Variants in DMD observed in about 807,000 individuals in gnomAD.
DMD encodes mutant dystrophin.
DMD carries 63 observed loss-of-function variants against 330.1 expected under a neutral mutation model. The ratio of observed to expected loss-of-function variants is 0.19; its 90% CI spans 0.16 to 0.24. The LOEUF (loss-of-function observed/expected upper bound fraction) is 0.24, where lower values mean the gene tolerates loss of function less well. Among genes scored for constraint, DMD ranks in the 10% least tolerant of loss-of-function variants. The pLI, the probability that DMD is intolerant of heterozygous loss-of-function variation, is 1.00. For missense variants in DMD, 3,344 were observed against 2,684.1 expected, an observed-to-expected ratio of 1.25 and a Z score of -5.43; for synonymous variants, 1,223 against 959.8, an observed-to-expected ratio of 1.27 and a Z score of -5.07.
intron 15 of DMD, among the ~76,000 whole-genome samples, chrX:32,571,747 TCTC>T (rs1201815624): frequency 2.7e-5 from 3 of 111,704 alleles, no homozygotes; most frequent in Non-Finnish European, 5.6e-5. Flanking sequence ...CCTCTTCTAT[TCTC>T]CTGTTAGGGC....
chrX:33,255,725 T>C, intron 1 of DMD, among the ~76,000 whole-genome samples: 1 of 111,423 alleles, frequency 9.0e-6, no homozygotes, highest in Non-Finnish European at 1.9e-5. Flanking sequence ...TTTTTCTGTG[T>C]CCTGCCTTTC....
At chrX:32,772,463 T>G (rs993866323) in intron 7 of DMD, among the ~76,000 whole-genome samples, 3 of 112,430 alleles carry the variant, frequency 2.7e-5, no homozygotes, top group African/African-American at 6.5e-5. Context: ...ATGAAGTATT[T>G]AACATACATT....
chrX:31,376,923 C>A (rs1229086665), intron 60 of DMD, among the ~76,000 whole-genome samples: 2 of 111,969 alleles, frequency 1.8e-5, no homozygotes, highest in African/African-American at 6.5e-5. Flanking sequence ...CGGTTCTAAC[C>A]CAGCAAAATG....
intron 11 of DMD, among the ~76,000 whole-genome samples, chrX:32,636,852 G>C (rs1348755470): frequency 9.1e-6 from 1 of 109,636 alleles, no homozygotes; most frequent in African/African-American, 3.3e-5. Flanking sequence ...CAAAAAGTTA[G>C]CCGAGCGTGG....
At chrX:31,871,727 T>TA (rs1190805809) in intron 48 of DMD, among the ~76,000 whole-genome samples, 2 of 108,855 alleles carry the variant, frequency 1.8e-5, no homozygotes, top group East Asian at 2.9e-4. Flanking sequence ...TACCTTGTGT[T>TA]AAAAAAAAGG....
chrX:31,917,091 TAAG>T (rs1319098957), intron 47 of DMD, among the ~76,000 whole-genome samples: 3 of 111,335 alleles, frequency 2.7e-5, no homozygotes, highest in Non-Finnish European at 5.7e-5. Context: ...CCCTACCATT[TAAG>T]AAGTAGAGCA....
chrX:32,846,104 T>C (rs1340403332), intron 3 of DMD, among the ~76,000 whole-genome samples: 1 of 111,848 alleles, frequency 8.9e-6, no homozygotes, highest in African/African-American at 3.3e-5. Context: ...GCTTGTCACA[T>C]AGTTGGTCCA....
chrX:31,368,484 C>A (rs912376223), intron 60 of DMD, among the ~76,000 whole-genome samples: 1 of 111,776 alleles, frequency 8.9e-6, no homozygotes, highest in African/African-American at 3.3e-5. Flanking sequence ...CAGGTATACA[C>A]ATGCTCTGGC....
rs903557776 is a variant in DMD at position 31,698,376 on chromosome X, T to C, written c.7661-18790A>G. Among the ~76,000 whole-genome samples, 4 of 111,867 alleles carry C rather than the reference T, an allele frequency of 3.6e-5. No individual in the cohort carries two copies. In the East Asian group the frequency reaches 8.4e-4, roughly 23 times the overall value. ...CTCCGAGGCTAAAACCATCAAAAAA[T>C]GTTAGGCATGATCAAGAATGAAGCT... is the stretch of plus-strand genomic sequence containing the variant. On this transcript the variant is annotated intron_variant, in intron 52 of 78. Coordinates refer to ENST00000357033, the MANE Select transcript of DMD (RefSeq NM_004006.3).
At chrX:33,152,864 CA>C (rs1025106888) in intron 1 of DMD, among the ~76,000 whole-genome samples, 4 of 110,138 alleles carry the variant, frequency 3.6e-5, no homozygotes, top group Admixed American at 2.9e-4. Context: ...AGCAAATGTA[CA>C]AAAAAAATAC....
Position 32,864,137 on chromosome X carries a change from C to A in DMD, c.94-14317G>T, listed in dbSNP as rs2082299747. 2.7e-5 allele frequency among the ~76,000 whole-genome samples: 3 copies of A among 112,024 alleles called. No homozygotes were observed. The South Asian group carries it at 1.1e-3, about 41-fold the overall frequency. ...GTCAAATATTACAATTTTTATATGA[C>A]TCTACCTCATGTATCAGAAAGATGC... On this transcript the variant is annotated intron_variant, in intron 2 of 78. Coordinates refer to ENST00000357033, the MANE Select transcript of DMD (RefSeq NM_004006.3).
intron 21 of DMD, among the ~76,000 whole-genome samples, chrX:32,478,172 T>C (rs925527645): frequency 9.0e-6 from 1 of 111,421 alleles, no homozygotes; most frequent in Non-Finnish European, 1.9e-5. Context: ...AGTCTTAATA[T>C]TGACAGCATT....
At chrX:32,376,918 T>C (rs577596227) in intron 34 of DMD, among the ~76,000 whole-genome samples, 1 of 111,542 alleles carries the variant, frequency 9.0e-6, no homozygotes, top group Middle Eastern at 4.6e-3. Flanking sequence ...GCTTATACTT[T>C]TCTAATTTAG....
chrX:31,945,168 T>C (rs183464205), intron 45 of DMD, among the ~76,000 whole-genome samples: 57 of 111,942 alleles, frequency 5.1e-4, no homozygotes, highest in African/African-American at 1.8e-3. Context: ...CACTTACAGA[T>C]TATATTTCAC....
intron 12 of DMD, among the ~76,000 whole-genome samples, chrX:32,604,534 G>A (rs1174559809): frequency 2.7e-5 from 3 of 109,847 alleles, no homozygotes; most frequent in Non-Finnish European, 5.7e-5. Context: ...ATTCAACATA[G>A]TACTGGAAGT....
intron 44 of DMD, among the ~76,000 whole-genome samples, chrX:32,048,408 A>T (rs1417106572): frequency 9.4e-6 from 1 of 106,615 alleles, no homozygotes; most frequent in Non-Finnish European, 1.9e-5. Context: ...CATCATATCA[A>T]CCAGTCTCTT....
At chrX:33,264,502 T>C (rs1363342044) in intron 1 of DMD, among the ~76,000 whole-genome samples, 1 of 110,842 alleles carries the variant, frequency 9.0e-6, no homozygotes, top group Non-Finnish European at 1.9e-5. Flanking sequence ...CTGGGCCAGA[T>C]TTAAGATTAC....
At chrX:33,048,497 G>A (rs181495672) in intron 1 of DMD, among the ~76,000 whole-genome samples, 5 of 108,681 alleles carry the variant, frequency 4.6e-5, no homozygotes, top group Admixed American at 9.9e-5. Context: ...CAAGACCAGC[G>A]TGCCCAACAT....
Position 31,993,367 on chromosome X carries a change from T to C in DMD, c.6439-24853A>G, listed in dbSNP as rs778716433. On this transcript the variant is annotated intron_variant, in intron 44 of 78. Transcript: ENST00000357033. Reference sequence around the variant, plus strand: ...TGGTCAACCCCTTAGCGGTTTCAAATGCTAGGAGTCTCATGACACACAGGC... The same window carrying C: ...TGGTCAACCCCTTAGCGGTTTCAAACGCTAGGAGTCTCATGACACACAGGC... Among the ~76,000 whole-genome samples, 194 of 111,873 alleles carry C rather than the reference T, an allele frequency of 1.7e-3. 1 individual carries two copies. Among genetic ancestry groups the C allele is most frequent in the African/African-American group, 5.9e-3 (183 of 30,832 alleles).
Sources: gnomAD v4.1 joint callset for allele counts (sites outside exome capture counted in the v4.1 genomes callset) on GRCh38, gnomAD v4.1.1 for gene constraint, MANE v1.5 for transcripts, NCBI Gene and HGNC (gene_info 2026-07-23, HGNC 2026-07-21) for gene names.